The following GPC6 variants were observed in gnomAD, a reference collection of about 807,000 sequenced individuals.
The protein encoded by GPC6 is glypican 6.
GPC6 carries 14 observed loss-of-function variants against 55.2 expected under a neutral mutation model. The ratio of observed to expected loss-of-function variants is 0.25; its 90% CI spans 0.17 to 0.40. The LOEUF is 0.40. GPC6 is among the 10% of genes least tolerant of loss of function. The pLI, the probability that GPC6 is intolerant of heterozygous loss-of-function variation, is 1.00. For synonymous variants in GPC6, 278 were observed against 259.6 expected (o/e 1.07, Z -0.68); for missense variants, 641 against 708.5 (o/e 0.90, Z 1.08).
chr13:93,863,229 A>G (rs1888867505), intron 3 of GPC6, among the ~76,000 whole-genome samples: 1 of 151,638 alleles, frequency 6.6e-6, no homozygotes. Flanking sequence ...TGTTTTTGTA[A>G]ATGACATTTT....
At chr13:93,613,822 C>T (rs1006562370) in intron 2 of GPC6, among the ~76,000 whole-genome samples, 1 of 152,148 alleles carries the variant, frequency 6.6e-6, no homozygotes, top group Non-Finnish European at 1.5e-5. Context: ...TCCCACAACC[C>T]TGGATGTCAC....
At chr13:94,220,975 T>G (rs951707291) in intron 4 of GPC6, among the ~76,000 whole-genome samples, 8 of 152,084 alleles carry the variant, frequency 5.3e-5, no homozygotes, top group Non-Finnish European at 1.0e-4. Flanking sequence ...TAACAGACTC[T>G]TATGGGCACA....
chr13:93,504,591 C>T (rs934810913), intron 1 of GPC6, among the ~76,000 whole-genome samples: 25 of 145,960 alleles, frequency 1.7e-4, no homozygotes, highest in Non-Finnish European at 3.0e-4. Context: ...TATTTTGTTG[C>T]AGTAAAGGTA....
At chr13:93,733,489 C>T (rs911246390) in intron 2 of GPC6, among the ~76,000 whole-genome samples, 2 of 150,472 alleles carry the variant, frequency 1.3e-5, no homozygotes, top group African/African-American at 4.9e-5. Context: ...ATAGTGTAGT[C>T]TATATAATGT....
chr13:93,485,947 A>C (rs1879695644), intron 1 of GPC6, among the ~76,000 whole-genome samples: 2 of 152,182 alleles, frequency 1.3e-5, no homozygotes, highest in South Asian at 4.1e-4. Flanking sequence ...TCTTGGATAA[A>C]CTTGGAATTA....
At position 93,502,363 on chromosome 13, in the gene GPC6, C is replaced by T. The variant is rs114939853; in HGVS notation, c.161-42900C>T. Among the ~76,000 whole-genome samples, 785 of 152,132 alleles carry T rather than the reference C, an allele frequency of 5.2e-3. 6 individuals carry two copies. Among genetic ancestry groups the T allele is most frequent in the African/African-American group, 0.018 (745 of 41,536 alleles). Reference sequence around the variant, plus strand: ...TATGCCCCACATACTTTGTAAATAACAATATTTTAAATATAAATTCCATAT... The same window carrying T: ...TATGCCCCACATACTTTGTAAATAATAATATTTTAAATATAAATTCCATAT... On this transcript the variant is annotated intron_variant, in intron 1 of 8. Transcript: ENST00000377047.
At chr13:93,648,249 A>G (rs1356272353) in intron 2 of GPC6, among the ~76,000 whole-genome samples, 1 of 152,170 alleles carries the variant, frequency 6.6e-6, no homozygotes, top group Non-Finnish European at 1.5e-5. Context: ...CTAAGAGGTC[A>G]TGGAGAACAC....
chr13:93,939,636 A>G (rs958202230), intron 3 of GPC6, among the ~76,000 whole-genome samples: 2 of 151,870 alleles, frequency 1.3e-5, no homozygotes, highest in East Asian at 1.9e-4. Context: ...TTTTTTTGAG[A>G]TGGGGGTCAC....
chr13:93,390,594 A>T (rs552616020), intron 1 of GPC6, among the ~76,000 whole-genome samples: 6 of 152,292 alleles, frequency 3.9e-5, no homozygotes, highest in African/African-American at 1.4e-4. Flanking sequence ...AAGAACTTTA[A>T]AGGCATTTAG....
chr13:93,364,129 C>T (rs1209775879), intron 1 of GPC6, among the ~76,000 whole-genome samples: 4 of 152,052 alleles, frequency 2.6e-5, no homozygotes, highest in Non-Finnish European at 5.9e-5. Flanking sequence ...TGCAGAAGCT[C>T]TTTAGTTTAT....
intron 3 of GPC6, among the ~76,000 whole-genome samples, chr13:93,901,881 A>G (rs1876373145): frequency 6.7e-6 from 1 of 148,616 alleles, no homozygotes; most frequent in African/African-American, 2.5e-5. Context: ...ATCCTGGGCC[A>G]CAGAGTGAGA....
chr13:94,147,392 G>C (rs1887601218), intron 4 of GPC6, among the ~76,000 whole-genome samples: 2 of 152,094 alleles, frequency 1.3e-5, no homozygotes, highest in African/African-American at 4.8e-5. Context: ...TCTATAGCCT[G>C]GGTCAAATCT....
intron 4 of GPC6, among the ~76,000 whole-genome samples, chr13:94,269,696 C>A (rs1278609921): frequency 1.3e-5 from 2 of 152,132 alleles, no homozygotes; most frequent in Admixed American, 1.3e-4. Flanking sequence ...CCAACCTGAG[C>A]CTGAGTCTGG....
At chr13:94,399,752 A>C (rs1010260830) in intron 8 of GPC6, among the ~76,000 whole-genome samples, 1 of 152,156 alleles carries the variant, frequency 6.6e-6, no homozygotes, top group Non-Finnish European at 1.5e-5. Context: ...ATAATTACCA[A>C]CCCAATGGAC....
intron 4 of GPC6, among the ~76,000 whole-genome samples, chr13:94,168,838 G>A (rs1034974492): frequency 6.6e-6 from 1 of 151,392 alleles, no homozygotes; most frequent in African/African-American, 2.4e-5. Flanking sequence ...AAAGATTAAA[G>A]TGAAAACACT....
At chr13:94,377,175 G>A (rs916710757) in intron 6 of GPC6, among the ~76,000 whole-genome samples, 4 of 151,814 alleles carry the variant, frequency 2.6e-5, no homozygotes, top group African/African-American at 9.7e-5. Context: ...AAAAGCAATG[G>A]CAACAAAAGA....
chr13:93,777,327 A>G (rs2138901591), intron 2 of GPC6, among the ~76,000 whole-genome samples: 1 of 152,264 alleles, frequency 6.6e-6, no homozygotes, highest in East Asian at 1.9e-4. Flanking sequence ...TCTTGTGCTT[A>G]CTAGCAACAT....
intron 4 of GPC6, among the ~76,000 whole-genome samples, chr13:94,097,363 T>C (rs556746248): frequency 5.9e-5 from 9 of 151,854 alleles, no homozygotes; most frequent in Admixed American, 5.9e-4. Flanking sequence ...AAAAATTAGC[T>C]GGGCGTGGTG....
At chr13:93,620,770 A>T (rs4625601) in intron 2 of GPC6, among the ~76,000 whole-genome samples, 51,265 of 151,996 alleles carry the variant, frequency 0.34, 8,872 homozygotes, top group Non-Finnish European at 0.38. Context: ...GTTTAGTCAG[A>T]ATGCTCTGTG....
Sources: gnomAD v4.1 joint callset for allele counts (sites outside exome capture counted in the v4.1 genomes callset) on GRCh38, gnomAD v4.1.1 for gene constraint, MANE v1.5 for transcripts, NCBI Gene and HGNC (gene_info 2026-07-23, HGNC 2026-07-21) for gene names.